TAFA4: variants seen among roughly 807,000 people sequenced by gnomAD.
The protein encoded by TAFA4 is chemokine-like protein TAFA-4.
In TAFA4, 20 loss-of-function variants were observed where a neutral mutation model predicts 21.1. The ratio of observed to expected loss-of-function variants is 0.95; its 90% CI spans 0.67 to 1.38. The LOEUF is 1.38. Among genes scored for constraint, TAFA4 ranks in the 40% most tolerant of loss-of-function variants. TAFA4 has a pLI of 0.00. For synonymous variants in TAFA4, 71 were observed against 67.4 expected (o/e 1.05, Z -0.26); for missense variants, 211 against 180.9 (o/e 1.17, Z -0.95).
chr3:68,829,579 A>G (rs1021876160), intron 3 of TAFA4, among the ~76,000 whole-genome samples: 2 of 152,104 alleles, frequency 1.3e-5, no homozygotes, highest in Non-Finnish European at 2.9e-5. Flanking sequence ...GTGCTGCTGG[A>G]TTCGGTTTGC....
chr3:68,807,037 AACATGAATAACTAAGCATATCAG>A (rs1282114953), intron 3 of TAFA4, among the ~76,000 whole-genome samples: 1 of 152,198 alleles, frequency 6.6e-6, no homozygotes, highest in Non-Finnish European at 1.5e-5. Context: ...TTTGCTGATG[AACATGAATAACTAAGCATATCAG>A]ACATGTCCAG....
rs994790034 is a variant in TAFA4, at chr3:68,807,210, C to T, written c.131-54192G>A. Among the ~76,000 whole-genome samples the T allele has an allele frequency of 2.0e-5, 3 of 152,236 alleles. No individual in the cohort carries two copies. In the South Asian group the frequency reaches 6.2e-4, roughly 32 times the overall value. Reference sequence around the variant, plus strand: ...TTTCAAAAACAAAATCAAAACAAAACCTCACCATGTTGGGTTTATCCTCTT... The same window carrying T: ...TTTCAAAAACAAAATCAAAACAAAATCTCACCATGTTGGGTTTATCCTCTT... On this transcript the variant is annotated intron_variant, in intron 3 of 5. Coordinates refer to ENST00000295569, the MANE Select transcript of TAFA4 (RefSeq NM_182522.5).
intron 3 of TAFA4, among the ~76,000 whole-genome samples, chr3:68,778,537 T>A (rs1602198): frequency 6.6e-6 from 1 of 152,054 alleles, no homozygotes; most frequent in African/African-American, 2.4e-5. Flanking sequence ...TGGGAGGTAA[T>A]TGAATCATGG....
chr3:68,799,037 G>C, intron 3 of TAFA4, among the ~76,000 whole-genome samples: 1 of 152,110 alleles, frequency 6.6e-6, no homozygotes, highest in East Asian at 1.9e-4. Flanking sequence ...TACTTTCTAG[G>C]TGACAGGGAG....
At chr3:68,881,205 T>C (rs2089613752) in intron 2 of TAFA4, among the ~76,000 whole-genome samples, 1 of 152,154 alleles carries the variant, frequency 6.6e-6, no homozygotes. Flanking sequence ...AAAATATATA[T>C]GTTTTCTGGA....
At chr3:68,744,919 A>G (rs1440420596) in intron 4 of TAFA4, among the ~76,000 whole-genome samples, 2 of 152,202 alleles carry the variant, frequency 1.3e-5, no homozygotes, top group Admixed American at 6.5e-5. Context: ...CCTGAAATGT[A>G]AAGGAGTCCT....
intron 3 of TAFA4, among the ~76,000 whole-genome samples, chr3:68,809,251 C>A (rs1033415220): frequency 1.6e-4 from 25 of 152,094 alleles, no homozygotes; most frequent in African/African-American, 6.0e-4. Flanking sequence ...TTTTAAAGTA[C>A]AGATCAAAAC....
At chr3:68,907,631 A>G (rs2089917182) in intron 1 of TAFA4, among the ~76,000 whole-genome samples, 1 of 152,142 alleles carries the variant, frequency 6.6e-6, no homozygotes, top group Admixed American at 6.5e-5. Context: ...GAGAGGGGAC[A>G]CTGTTTCAGG....
chr3:68,812,956 A>G (rs1369976520), intron 3 of TAFA4, among the ~76,000 whole-genome samples: 1 of 152,210 alleles, frequency 6.6e-6, no homozygotes, highest in Non-Finnish European at 1.5e-5. Context: ...GTAAAAGAAC[A>G]GAAATTATAA....
intron 1 of TAFA4, among the ~76,000 whole-genome samples, chr3:68,906,195 G>T (rs2089899394): frequency 6.6e-6 from 1 of 152,190 alleles, no homozygotes; most frequent in South Asian, 2.1e-4. Flanking sequence ...AAATGGCAAA[G>T]CTGGCACTGC....
At chr3:68,891,335 C>T (rs1446930429) in intron 1 of TAFA4, among the ~76,000 whole-genome samples, 1 of 152,136 alleles carries the variant, frequency 6.6e-6, no homozygotes, top group Non-Finnish European at 1.5e-5. Context: ...AAACAAATAG[C>T]CCAAGTGCTA....
At chr3:68,805,747 T>C (rs952658396) in intron 3 of TAFA4, among the ~76,000 whole-genome samples, 2 of 151,688 alleles carry the variant, frequency 1.3e-5, no homozygotes, top group African/African-American at 2.4e-5. Flanking sequence ...TAGGTGGGAA[T>C]TGAACAATGA....
chr3:68,878,496 C>G (rs1304747088), intron 3 of TAFA4, among the ~76,000 whole-genome samples: 2 of 152,152 alleles, frequency 1.3e-5, no homozygotes, highest in African/African-American at 4.8e-5. Flanking sequence ...CATCTTTCCA[C>G]TGCACAAAAC....
At chr3:68,816,588 TA>T (rs1194022723) in intron 3 of TAFA4, among the ~76,000 whole-genome samples, 1 of 152,236 alleles carries the variant, frequency 6.6e-6, no homozygotes, top group Non-Finnish European at 1.5e-5. Flanking sequence ...TTATTAGTTC[TA>T]ATAGTTTTTA....
intron 3 of TAFA4, among the ~76,000 whole-genome samples, chr3:68,858,392 ACCT>A (rs144155847): frequency 0.034 from 5,148 of 151,984 alleles, 278 homozygotes; most frequent in African/African-American, 0.11. Flanking sequence ...AACGCAGTGT[ACCT>A]CCTATTTTAA....
rs2106728213 is a variant in TAFA4 at position 68,739,113 on chromosome 3, A to T, written c.373T>A (p.Trp125Arg). The change falls in exon 5 of 6, where the codon TGG (tryptophan) becomes AGG (arginine). Residue 125 changes from tryptophan (W) to arginine (R), a missense_variant. Trp to Arg is a moderately radical substitution (Grantham distance 101). Coordinates refer to ENST00000295569, the MANE Select transcript of TAFA4 (RefSeq NM_182522.5). ...ACTTTATTGCCACTGCTACAGGACCAACCTGAGTAATCTGGCAGCACTTTA... is the reference window on the plus strand; with the variant it reads ...ACTTTATTGCCACTGCTACAGGACCTACCTGAGTAATCTGGCAGCACTTTA... ...DCKVLPDYSG[W>R]SCSSGNKVKT... 1 of 1,614,000 alleles carries T rather than the reference A, an allele frequency of 6.2e-7. No homozygotes were observed. The highest frequency in any genetic ancestry group is 8.5e-7 in the Non-Finnish European group (1 of 1,179,886).
chr3:68,746,559 TAAAAATTAAG>T (rs1247089308), intron 4 of TAFA4, among the ~76,000 whole-genome samples: 1 of 152,204 alleles, frequency 6.6e-6, no homozygotes, highest in African/African-American at 2.4e-5. Flanking sequence ...CTGTGTTCTT[TAAAAATTAAG>T]CCATTAACTT....
chr3:68,771,413 C>A (rs1702954647), intron 3 of TAFA4, among the ~76,000 whole-genome samples: 1 of 152,180 alleles, frequency 6.6e-6, no homozygotes. Flanking sequence ...AAAAAGTGCT[C>A]CCCATGGCCT....
At chr3:68,786,489 C>A (rs1034555159) in intron 3 of TAFA4, among the ~76,000 whole-genome samples, 3 of 152,108 alleles carry the variant, frequency 2.0e-5, no homozygotes, top group Non-Finnish European at 4.4e-5. Flanking sequence ...AGACTCCACC[C>A]CTTCAAAGAA....
Sources: allele counts gnomAD v4.1 joint callset (sites outside exome capture counted in the v4.1 genomes callset), GRCh38; gene constraint gnomAD v4.1.1; transcripts MANE v1.5; gene names NCBI Gene and HGNC (gene_info 2026-07-23, HGNC 2026-07-21).